DTD1: variants seen among roughly 807,000 people sequenced by gnomAD.
The protein encoded by DTD1 is D-aminoacyl-tRNA deacylase 1.
A neutral mutation model predicts 25.6 loss-of-function variants in DTD1; 13 were observed. The ratio of observed to expected loss-of-function variants is 0.51; its 90% confidence interval spans 0.33 to 0.81. The LOEUF (loss-of-function observed/expected upper bound fraction) is 0.81, where lower values mean the gene tolerates loss of function less well. Among genes scored for constraint, DTD1 ranks in the 30% least tolerant of loss-of-function variants. The pLI is 0.02. For synonymous variants in DTD1, 110 were observed against 103.6 expected (o/e 1.06, Z -0.37); for missense variants, 193 against 266.4 (o/e 0.72, Z 1.92).
At chr20:18,759,701 C>G (rs1337847411) in intron 5 of DTD1, among the ~76,000 whole-genome samples, 1 of 152,170 alleles carries the variant, frequency 6.6e-6, no homozygotes, top group African/African-American at 2.4e-5. Flanking sequence ...GTGAATCTGA[C>G]AATTATGCGT....
At position 18,763,834 on chromosome 20, in the gene DTD1, G is replaced by C. The variant is rs1418087454; in HGVS notation, c.*494G>C. On this transcript the variant is annotated 3_prime_UTR_variant, in exon 6 of 6. Transcript: ENST00000377452. Reference sequence around the variant, plus strand: ...TGATAATGTATTGTGTGAGACCTTTGCATCTTGTAAATTTTCTCTTTTTTC... The same window carrying C: ...TGATAATGTATTGTGTGAGACCTTTCCATCTTGTAAATTTTCTCTTTTTTC... 1 of 152,156 alleles carries C rather than the reference G, an allele frequency of 6.6e-6. No homozygotes were observed. The highest frequency in any genetic ancestry group is 1.5e-5 in the Non-Finnish European group (1 of 68,034). 9.4% of individuals were successfully genotyped at this position (152,156 alleles called of 1,614,324 possible). A position where few individuals can be genotyped will look rare whatever the true frequency, so the allele number is the denominator to read the frequency against.
At chr20:18,671,555 A>G (rs1434765553) in intron 4 of DTD1, among the ~76,000 whole-genome samples, 1 of 152,250 alleles carries the variant, frequency 6.6e-6, no homozygotes, top group African/African-American at 2.4e-5. Context: ...TTTATTGCAT[A>G]AAGCATTAAA....
intron 5 of DTD1, among the ~76,000 whole-genome samples, chr20:18,747,728 T>C (rs774183396): frequency 6.6e-6 from 1 of 152,050 alleles, no homozygotes; most frequent in Non-Finnish European, 1.5e-5. Flanking sequence ...TCAAAACAAC[T>C]TGGGCTGGGC....
intron 4 of DTD1, among the ~76,000 whole-genome samples, chr20:18,640,160 A>T (rs376409589): frequency 6.6e-6 from 1 of 152,012 alleles, no homozygotes; most frequent in African/African-American, 2.4e-5. Flanking sequence ...TCCAAGCAAG[A>T]AAGCAGTGTA....
chr20:18,726,308 G>A (rs2061222285), intron 4 of DTD1, among the ~76,000 whole-genome samples: 1 of 152,130 alleles, frequency 6.6e-6, no homozygotes, highest in Non-Finnish European at 1.5e-5. Flanking sequence ...GTCCAGGAAT[G>A]TTCCTGATCT....
At chr20:18,596,436 A>C (rs1203871222) in intron 3 of DTD1, among the ~76,000 whole-genome samples, 195 bp downstream of exon 3, 1 of 152,176 alleles carries the variant, frequency 6.6e-6, no homozygotes, top group Non-Finnish European at 1.5e-5. Flanking sequence ...TTCTGCTGGC[A>C]TTTGCCCTCC....
intron 4 of DTD1, among the ~76,000 whole-genome samples, chr20:18,671,062 C>T (rs1164567441): frequency 6.6e-6 from 1 of 152,052 alleles, no homozygotes; most frequent in South Asian, 2.1e-4. Context: ...CCAAACAGTC[C>T]CCACTGTGCA....
chr20:18,668,753 T>A (rs555870799), intron 4 of DTD1, among the ~76,000 whole-genome samples: 1 of 152,354 alleles, frequency 6.6e-6, no homozygotes, highest in South Asian at 2.1e-4. Flanking sequence ...CTCTCTGAAC[T>A]GCTCACTGTT....
intron 3 of DTD1, among the ~76,000 whole-genome samples, chr20:18,609,952 T>C (rs1255063600): frequency 1.3e-5 from 2 of 152,354 alleles, no homozygotes; most frequent in Admixed American, 1.3e-4. Context: ...TCAAATCCTC[T>C]GAGTAATTAT....
At chr20:18,609,790 T>G (rs2060679289) in intron 3 of DTD1, among the ~76,000 whole-genome samples, 1 of 152,220 alleles carries the variant, frequency 6.6e-6, no homozygotes, top group African/African-American at 2.4e-5. Context: ...TAGAGCAGAA[T>G]AGATTTGCCT....
At chr20:18,651,639 C>G (rs1334430611) in intron 4 of DTD1, among the ~76,000 whole-genome samples, 2 of 152,204 alleles carry the variant, frequency 1.3e-5, no homozygotes, top group Admixed American at 6.5e-5. Context: ...CCAGCATAGG[C>G]TGAGCCCTGT....
At chr20:18,746,984 G>T (rs190192358) in intron 5 of DTD1, among the ~76,000 whole-genome samples, 2 of 152,148 alleles carry the variant, frequency 1.3e-5, no homozygotes, top group Non-Finnish European at 2.9e-5. Context: ...AGGGTGCCTC[G>T]AAGGGAAGGG....
At chr20:18,662,259 T>C (rs1239196640) in intron 4 of DTD1, among the ~76,000 whole-genome samples, 4 of 152,298 alleles carry the variant, frequency 2.6e-5, no homozygotes, top group African/African-American at 9.6e-5. Context: ...TAAAAATCAA[T>C]AATACTAGCA....
intron 4 of DTD1, among the ~76,000 whole-genome samples, chr20:18,671,328 C>T (rs914945431): frequency 1.1e-4 from 16 of 152,226 alleles, no homozygotes; most frequent in African/African-American, 2.6e-4. Context: ...TGGGGTCATG[C>T]GGAGGTTTTA....
At chr20:18,726,928 G>A (rs1197827253) in intron 4 of DTD1, among the ~76,000 whole-genome samples, 2 of 152,266 alleles carry the variant, frequency 1.3e-5, no homozygotes, top group Non-Finnish European at 2.9e-5. Flanking sequence ...GAGAAGGGAA[G>A]TGGAATGCTG....
intron 4 of DTD1, among the ~76,000 whole-genome samples, chr20:18,695,568 TCCATTC>T (rs1568672017): frequency 1.6e-3 from 4 of 2,568 alleles, no homozygotes; most frequent in African/African-American, 2.0e-3. Context: ...TCTCTTCCCC[TCCATTC>T]CCCTCCCCTC....
intron 4 of DTD1, among the ~76,000 whole-genome samples, chr20:18,662,163 T>C (rs1600350631): frequency 2.0e-5 from 3 of 152,152 alleles, no homozygotes; most frequent in Admixed American, 2.0e-4. Flanking sequence ...TAAAAAAAAG[T>C]TGTGAAAAGA....
At chr20:18,661,434 C>T (rs1221455140) in intron 4 of DTD1, among the ~76,000 whole-genome samples, 3 of 138,282 alleles carry the variant, frequency 2.2e-5, no homozygotes, top group Non-Finnish European at 4.5e-5. Flanking sequence ...TGCAGTGGTG[C>T]GATCTCAGCT....
At chr20:18,654,367 C>T (rs998229080) in intron 4 of DTD1, among the ~76,000 whole-genome samples, 1 of 152,172 alleles carries the variant, frequency 6.6e-6, no homozygotes, top group Admixed American at 6.6e-5. Flanking sequence ...GCCTCCCTAG[C>T]CATGTGGAAC....
Sources: allele counts gnomAD v4.1 joint callset (sites outside exome capture counted in the v4.1 genomes callset), GRCh38; gene constraint gnomAD v4.1.1; transcripts MANE v1.5; gene names NCBI Gene and HGNC (gene_info 2026-07-23, HGNC 2026-07-21).